Variants in PCDH15 observed in about 807,000 individuals in gnomAD.
PCDH15 encodes protocadherin related 15, also known as protocadherin-15.
A neutral mutation model predicts 178.5 loss-of-function variants in PCDH15; 129 were observed. That is an observed-to-expected ratio of 0.72 (90% confidence interval 0.63 to 0.84). The LOEUF (loss-of-function observed/expected upper bound fraction) is 0.84, where lower values mean the gene tolerates loss of function less well. Among genes scored for constraint, PCDH15 ranks in the 40% least tolerant of loss-of-function variants. The probability of loss-of-function intolerance (pLI) is 0.00; values close to 1 mark genes in which losing one functional copy is unlikely to be tolerated. For synonymous variants in PCDH15, 800 were observed against 732.0 expected, an observed-to-expected ratio of 1.09 and a Z score of -1.50; for missense variants, 2,230 against 2,099.9, an observed-to-expected ratio of 1.06 and a Z score of -1.21.
chr10:54,004,951 T>TAA (rs55808499), intron 20 of PCDH15, among the ~76,000 whole-genome samples: 1 of 146,064 alleles, frequency 6.8e-6, no homozygotes, highest in Non-Finnish European at 1.5e-5. Flanking sequence ...GGTACTGGCA[T>TAA]AAAAAAAAAA....
chr10:54,262,193 T>G (rs114335088), intron 8 of PCDH15, among the ~76,000 whole-genome samples: 5,113 of 152,116 alleles, frequency 0.034, 216 homozygotes, highest in African/African-American at 0.097. Context: ...GGCTTTGTTG[T>G]GCGGTGCAGC....
At chr10:54,170,228 C>T (rs905148155) in intron 13 of PCDH15, among the ~76,000 whole-genome samples, 14 of 147,192 alleles carry the variant, frequency 9.5e-5, no homozygotes, top group African/African-American at 2.6e-4. Context: ...CCCTGCCAAT[C>T]GTGTCCGACT....
At chr10:54,217,419 T>C (rs2052217499) in intron 9 of PCDH15, among the ~76,000 whole-genome samples, 1 of 152,160 alleles carries the variant, frequency 6.6e-6, no homozygotes, top group African/African-American at 2.4e-5. Flanking sequence ...ATATTGGTGG[T>C]ATGTTGTGAT....
chr10:54,612,001 A>G (rs1006523000), intron 2 of PCDH15, among the ~76,000 whole-genome samples: 4 of 151,892 alleles, frequency 2.6e-5, no homozygotes, highest in Admixed American at 2.6e-4. Flanking sequence ...TTAATAAATA[A>G]TAAGGTCCAT....
chr10:54,359,881 A>T, intron 5 of PCDH15, among the ~76,000 whole-genome samples: 1 of 152,144 alleles, frequency 6.6e-6, no homozygotes, highest in East Asian at 1.9e-4. Flanking sequence ...TGCAGTAGGT[A>T]TTGATGAAAG....
In PCDH15 at chr10:54,355,766, T is replaced by C. The variant is rs1051471747; in HGVS notation, c.475-9282A>G. ...ATTATTACTGTCAGAAAAAAATTGG[T>C]TCTCAGCAAGCAAATTATTTAATAA... On this transcript the variant is annotated intron_variant, in intron 5 of 37. Coordinates refer to ENST00000644397, the MANE Select transcript of PCDH15 (RefSeq NM_001384140.1). 2.6e-5 allele frequency among the ~76,000 whole-genome samples: 4 copies of C among 152,150 alleles called. No homozygotes were observed. The East Asian group carries it at 7.7e-4, about 29-fold the overall frequency.
At chr10:54,092,404 A>C (rs1210755293) in intron 15 of PCDH15, among the ~76,000 whole-genome samples, 2 of 152,062 alleles carry the variant, frequency 1.3e-5, no homozygotes, top group African/African-American at 4.8e-5. Flanking sequence ...CAATTCTTTT[A>C]TTTCTTTGGG....
chr10:53,882,102 CTGTTGGGAGAAAAGCTGAG>C (rs1255476734), intron 26 of PCDH15, among the ~76,000 whole-genome samples: 4 of 149,526 alleles, frequency 2.7e-5, no homozygotes, highest in African/African-American at 7.4e-5. Flanking sequence ...CAATTCTCCT[CTGTTGGGAGAAAAGCTGAG>C]TGTTGGGAGA....
chr10:54,572,807 T>C (rs952287331), intron 2 of PCDH15, among the ~76,000 whole-genome samples: 1 of 152,086 alleles, frequency 6.6e-6, no homozygotes, highest in Admixed American at 6.6e-5. Flanking sequence ...TTCAAACAAG[T>C]AACCAGAAAA....
intron 3 of PCDH15, among the ~76,000 whole-genome samples, chr10:54,894,732 T>C (rs1954518575): frequency 6.6e-6 from 1 of 151,794 alleles, no homozygotes; most frequent in African/African-American, 2.4e-5. Flanking sequence ...CTGTTTATTA[T>C]AGAGCATTAC....
chr10:53,903,589 G>A (rs1024907534), intron 25 of PCDH15, among the ~76,000 whole-genome samples: 28 of 152,048 alleles, frequency 1.8e-4, no homozygotes, highest in African/African-American at 6.8e-4. Flanking sequence ...TAATTACAAT[G>A]TCCTGGTAGT....
At chr10:54,464,641 G>A (rs577334174) in intron 3 of PCDH15, among the ~76,000 whole-genome samples, 5 of 152,222 alleles carry the variant, frequency 3.3e-5, no homozygotes, top group African/African-American at 7.2e-5. Context: ...AAATAGTGAA[G>A]TCAACATAGG....
At chr10:54,736,428 T>G (rs66520604) in intron 1 of PCDH15, among the ~76,000 whole-genome samples, 19,014 of 152,012 alleles carry the variant, frequency 0.13, 1,349 homozygotes, top group African/African-American at 0.18. Context: ...CAGCCCTCAG[T>G]ATTTATAAAT....
chr10:55,126,636 A>C (rs1023842971), intron 2 of PCDH15, among the ~76,000 whole-genome samples: 28 of 152,250 alleles, frequency 1.8e-4, no homozygotes, highest in African/African-American at 5.8e-4. Flanking sequence ...AAAAAAACAA[A>C]AAAAAGAAAA....
chr10:54,070,022 G>C (rs2094209583), intron 17 of PCDH15, among the ~76,000 whole-genome samples: 1 of 152,078 alleles, frequency 6.6e-6, no homozygotes, highest in Non-Finnish European at 1.5e-5. Flanking sequence ...TTCCTCAAAA[G>C]TTGTATTAAC....
At chr10:54,634,728 C>A (rs1409770381) in intron 2 of PCDH15, among the ~76,000 whole-genome samples, 1 of 151,974 alleles carries the variant, frequency 6.6e-6, no homozygotes, top group African/African-American at 2.4e-5. Flanking sequence ...TATCTTCCAA[C>A]TGTTTCAGAT....
chr10:54,123,716 C>T (rs1443329075), intron 15 of PCDH15, among the ~76,000 whole-genome samples: 1 of 152,020 alleles, frequency 6.6e-6, no homozygotes, highest in East Asian at 1.9e-4. Flanking sequence ...ATGCTCACAG[C>T]AGTACTCTTC....
At chr10:55,056,477 A>G (rs1433617536) in intron 2 of PCDH15, among the ~76,000 whole-genome samples, 2 of 151,944 alleles carry the variant, frequency 1.3e-5, no homozygotes, top group African/African-American at 2.4e-5. Flanking sequence ...TTAACTTGCA[A>G]TTTAAGTAGG....
chr10:54,795,307 A>C (rs1951844787), intron 1 of PCDH15, among the ~76,000 whole-genome samples: 1 of 151,876 alleles, frequency 6.6e-6, no homozygotes, highest in Non-Finnish European at 1.5e-5. Context: ...TAATTAAATA[A>C]AAATGACCAA....
Sources: gnomAD v4.1 joint callset for allele counts (sites outside exome capture counted in the v4.1 genomes callset) on GRCh38, gnomAD v4.1.1 for gene constraint, MANE v1.5 for transcripts, NCBI Gene and HGNC (gene_info 2026-07-23, HGNC 2026-07-21) for gene names.